The following PLEKHG1 variants were observed in gnomAD, a reference collection of about 807,000 sequenced individuals.
PLEKHG1 encodes the protein pleckstrin homology domain-containing family G member 1.
PLEKHG1 carries 44 observed loss-of-function variants against 100.8 expected under a neutral mutation model. The ratio of observed to expected loss-of-function variants is 0.44; its 90% CI spans 0.34 to 0.56. The LOEUF is 0.56. PLEKHG1 is among the 20% of genes least tolerant of loss of function. PLEKHG1 has a pLI of 0.01. For synonymous variants in PLEKHG1, 640 were observed against 662.5 expected (o/e 0.97, Z 0.52); for missense variants, 1,545 against 1,720.9 (o/e 0.90, Z 1.81).
intron 3 of PLEKHG1, among the ~76,000 whole-genome samples, chr6:150,778,286 C>T (rs758061612): frequency 3.7e-4 from 56 of 152,154 alleles, no homozygotes; most frequent in Non-Finnish European, 3.7e-4. Context: ...CACCATCACG[C>T]CTGGCTAATT....
At chr6:150,674,632 C>CCTCTCTCTCTCTCTCTCTCT (rs756355880) in intron 3 of PLEKHG1, among the ~76,000 whole-genome samples, 7 of 66,330 alleles carry the variant, frequency 1.1e-4, no homozygotes, top group African/African-American at 2.0e-4. Flanking sequence ...CTCTCTCCTC[C>CCTCTCTCTCTCTCTCTCTCT]CTCTCTCTCT....
At chr6:150,706,998 C>CTTTTTTTTTTTTTTTTTTTTTTTTTTT (rs71014517) in intron 3 of PLEKHG1, among the ~76,000 whole-genome samples, 1 of 51,934 alleles carries the variant, frequency 1.9e-5, no homozygotes, top group African/African-American at 7.8e-5. Context: ...TTTTCTTTTT[C>CTTTTTTTTTTTTTTTTTTTTTTTTTTT]TTTTTTTTTT....
chr6:150,700,911 G>A (rs1041571455), intron 3 of PLEKHG1, among the ~76,000 whole-genome samples: 51 of 152,110 alleles, frequency 3.4e-4, no homozygotes, highest in African/African-American at 7.5e-4. Flanking sequence ...TAAACAATTC[G>A]GAAACTTTGA....
intron 2 of PLEKHG1, among the ~76,000 whole-genome samples, chr6:150,641,025 A>AGAGAAT (rs1778234953): frequency 2.0e-5 from 3 of 152,140 alleles, no homozygotes; most frequent in African/African-American, 7.2e-5. Context: ...AGAATGCTCT[A>AGAGAAT]GCTTATCTGT....
At position 150,683,999 on chromosome 6, in the gene PLEKHG1, C is replaced by A; in HGVS notation, c.-99+33213C>A. The A allele has an allele frequency of 2.8e-6, 1 of 359,472 alleles. No homozygotes were observed. Among genetic ancestry groups the A allele is most frequent in the South Asian group, 2.1e-5 (1 of 46,720 alleles). The allele number at this position is 359,472 out of a possible 1,614,324, so 22.3% of individuals were successfully genotyped here. A position where few individuals can be genotyped will look rare whatever the true frequency, so the allele number is the denominator to read the frequency against. ...ATCAGGCAGCCTCCTCGGGCGGAGACCGCAGGTAGATGTCCCTGGCCTCTG... is the reference window on the plus strand; with the variant it reads ...ATCAGGCAGCCTCCTCGGGCGGAGAACGCAGGTAGATGTCCCTGGCCTCTG... On this transcript the variant is annotated intron_variant, in intron 3 of 3. Transcript: ENST00000367326. The surrounding 1 kb of genome is among the most constrained non-coding windows in gnomAD (Gnocchi z 4.0).
At chr6:150,704,232 T>C (rs1780916912) in intron 3 of PLEKHG1, among the ~76,000 whole-genome samples, 1 of 152,198 alleles carries the variant, frequency 6.6e-6, no homozygotes, top group African/African-American at 2.4e-5. Flanking sequence ...TTCATTAACC[T>C]TGGGCTTCAG....
At chr6:150,704,974 C>T (rs550642938) in intron 3 of PLEKHG1, among the ~76,000 whole-genome samples, 1 of 152,260 alleles carries the variant, frequency 6.6e-6, no homozygotes, top group South Asian at 2.1e-4. Flanking sequence ...AGAGCCCCAC[C>T]CTTATGACCT....
intron 3 of PLEKHG1, among the ~76,000 whole-genome samples, chr6:150,702,967 A>C (rs1398637398): frequency 2.0e-5 from 3 of 152,156 alleles, no homozygotes; most frequent in Non-Finnish European, 4.4e-5. Flanking sequence ...GGCATAGCTG[A>C]GTGGTACCAA....
At chr6:150,645,260 CCT>C (rs1778446329) in intron 2 of PLEKHG1, among the ~76,000 whole-genome samples, 1 of 152,054 alleles carries the variant, frequency 6.6e-6, no homozygotes, top group Non-Finnish European at 1.5e-5. Context: ...AATTGGTTAT[CCT>C]TATGGAAAAA....
rs72117887 is a variant in PLEKHG1, at chr6:150,821,832, A to AT, written c.1447+610dup. Among the ~76,000 whole-genome samples, 294 of 149,048 alleles carry AT rather than the reference A, an allele frequency of 2.0e-3. 2 individuals carry two copies. The highest frequency in any genetic ancestry group is 6.8e-3 in the African/African-American group (275 of 40,622). On this transcript the variant is annotated intron_variant, in intron 13 of 15. Coordinates refer to ENST00000358517, the Ensembl canonical transcript of PLEKHG1. ...AAAAGAAAAGACAGAGGACTCTTTTATTTTTTTTTTTATTTTTTTATTTTT... is the reference window on the plus strand; with the variant it reads ...AAAAGAAAAGACAGAGGACTCTTTTATTTTTTTTTTTTATTTTTTTATTTTT...
Position 150,823,690 on chromosome 6 carries a change from C to G in PLEKHG1, c.1470+14C>G. ...GACATCCAAAAGGTAAGCTCTATCT[C>G]ATTTCTTACTTGGAAATGTTCACTT... On this transcript the variant is annotated intron_variant, in intron 14 of 15. Coordinates refer to ENST00000358517, the Ensembl canonical transcript of PLEKHG1. 1 of 1,606,206 alleles carries G rather than the reference C, an allele frequency of 6.2e-7. No individual in the cohort carries two copies. The highest frequency in any genetic ancestry group is 8.5e-7 in the Non-Finnish European group (1 of 1,173,152).
At chr6:150,832,643 C>T (rs2128689319) in intron 15 of PLEKHG1, among the ~76,000 whole-genome samples, 1 of 151,310 alleles carries the variant, frequency 6.6e-6, no homozygotes, top group East Asian at 1.9e-4. Flanking sequence ...AACAAAAATG[C>T]CAACTCGTGC....
exon 16 of PLEKHG1, chr6:150,842,713 GTTTTT>G (rs936527457): frequency 1.3e-5 from 2 of 151,912 alleles, no homozygotes; most frequent in Admixed American, 6.6e-5. Flanking sequence ...TGTTTGGTTG[GTTTTT>G]TTGTTTGTTT....
intron 12 of PLEKHG1, among the ~76,000 whole-genome samples, chr6:150,820,071 T>C (rs1776211493): frequency 6.6e-6 from 1 of 152,086 alleles, no homozygotes; most frequent in African/African-American, 2.4e-5. Context: ...TAGCCAGGCG[T>C]GGTGGTGTGC....
chr6:150,840,073 T>C (rs1319144393), exon 16 of PLEKHG1: 26 of 1,614,060 alleles, frequency 1.6e-5, no homozygotes, highest in Non-Finnish European at 2.1e-5. Flanking sequence ...TATCCCACGT[T>C]TGAGATCAAT....
intron 4 of PLEKHG1, among the ~76,000 whole-genome samples, chr6:150,790,208 G>T (rs1057383496): frequency 6.6e-6 from 1 of 152,010 alleles, no homozygotes; most frequent in African/African-American, 2.4e-5. Flanking sequence ...TATTTTTTTA[G>T]TAGAGATGGG....
rs1406924423 is a variant in PLEKHG1 at position 150,644,935 on chromosome 6, G to GT, written c.-157-5792dup. 6.6e-5 allele frequency among the ~76,000 whole-genome samples: 10 copies of GT among 152,144 alleles called. No individual in the cohort carries two copies. In the South Asian group the frequency reaches 1.9e-3, roughly 28 times the overall value. On this transcript the variant is annotated intron_variant, in intron 2 of 3. Coordinates refer to the PLEKHG1 transcript ENST00000367326. The stretch of plus-strand genomic sequence containing the variant: ...TATAAAGATGTTGATTTTCTCATAT[G>GT]TAGATCTAGTGTAACCCCAATCAAA...
intron 3 of PLEKHG1, chr6:150,686,664 A>G (rs746993555): frequency 2.6e-5 from 4 of 151,556 alleles, no homozygotes; most frequent in Non-Finnish European, 4.4e-5. Flanking sequence ...CTCTTGTCTC[A>G]CCTCCCAAGC....
chr6:150,804,321 G>T (rs182707099), intron 6 of PLEKHG1, among the ~76,000 whole-genome samples: 2 of 148,564 alleles, frequency 1.3e-5, no homozygotes, highest in Non-Finnish European at 3.0e-5. Context: ...AAGTAACTGG[G>T]ACTATAGGCA....
Sources: gnomAD v4.1 joint callset for allele counts (sites outside exome capture counted in the v4.1 genomes callset) on GRCh38, gnomAD v4.1.1 for gene constraint, Gnocchi (gnomAD v3.1) non-coding constraint, MANE v1.5 for transcripts, NCBI Gene and HGNC (gene_info 2026-07-23, HGNC 2026-07-21) for gene names.